Variants in GLT8D2 observed in about 807,000 individuals in gnomAD.
The protein encoded by GLT8D2 is glycosyltransferase 8 domain-containing protein 2.
In GLT8D2, 45 loss-of-function variants were observed where a neutral mutation model predicts 44.5. The observed-to-expected ratio is 1.01, with a 90% CI of 0.80 to 1.30. The LOEUF (loss-of-function observed/expected upper bound fraction) is 1.30. Among genes scored for constraint, GLT8D2 ranks in the 50% most tolerant of loss-of-function variants. GLT8D2 has a pLI of 0.00. For synonymous variants in GLT8D2, 156 were observed against 157.2 expected (o/e 0.99, Z 0.06); for missense variants, 400 against 430.4 (o/e 0.93, Z 0.62).
At chr12:104,035,851 C>A (rs780892095) in intron 1 of GLT8D2, among the ~76,000 whole-genome samples, 1 of 151,934 alleles carries the variant, frequency 6.6e-6, no homozygotes, top group East Asian at 1.9e-4. Context: ...AGGAGCAACC[C>A]CAAGATATAT....
chr12:104,012,810 C>A, intron 4 of GLT8D2: 1 of 699,254 alleles, frequency 1.4e-6, no homozygotes. Context: ...GGCCTTATCC[C>A]AGTAAGACTG....
chr12:104,029,159 G>A (rs549790291), intron 1 of GLT8D2, among the ~76,000 whole-genome samples: 3 of 152,128 alleles, frequency 2.0e-5, no homozygotes, highest in South Asian at 4.2e-4. Flanking sequence ...GCATGGTGGC[G>A]TGCACCTGTA....
chr12:104,010,485 G>A (rs1230846376), intron 4 of GLT8D2, among the ~76,000 whole-genome samples: 2 of 152,174 alleles, frequency 1.3e-5, no homozygotes, highest in African/African-American at 4.8e-5. Flanking sequence ...CTATGCTGTG[G>A]CCTTGCCTAT....
At chr12:103,990,753 T>C (rs1872654707) in intron 10 of GLT8D2, among the ~76,000 whole-genome samples, 1 of 152,132 alleles carries the variant, frequency 6.6e-6, no homozygotes, top group Admixed American at 6.5e-5. Flanking sequence ...ATAACTGGAA[T>C]AATTATCAAT....
chr12:104,017,219 A>C (rs1439111288), intron 3 of GLT8D2, among the ~76,000 whole-genome samples: 1 of 150,568 alleles, frequency 6.6e-6, no homozygotes, highest in Non-Finnish European at 1.5e-5. Flanking sequence ...GTTTAAAGCT[A>C]CCTTTTTTTT....
intron 1 of GLT8D2, among the ~76,000 whole-genome samples, chr12:104,029,959 A>G (rs1879057309): frequency 6.6e-6 from 1 of 152,146 alleles, no homozygotes; most frequent in African/African-American, 2.4e-5. Context: ...CAAAATTCCA[A>G]TGACATTTTT....
intron 1 of GLT8D2, among the ~76,000 whole-genome samples, chr12:104,049,675 G>A (rs1461709467): frequency 2.0e-5 from 3 of 152,182 alleles, no homozygotes; most frequent in African/African-American, 7.2e-5. Flanking sequence ...AGCCCAGGAT[G>A]TGAAAAACAT....
At chr12:104,022,074 GAAA>G (rs72438249) in intron 1 of GLT8D2, among the ~76,000 whole-genome samples, 2 of 88,464 alleles carry the variant, frequency 2.3e-5, no homozygotes, top group Admixed American at 1.2e-4. Context: ...AAGAAAGAAA[GAAA>G]AAAAAAGAAA....
At chr12:104,018,357 T>C (rs1404285878) in intron 3 of GLT8D2, among the ~76,000 whole-genome samples, 1 of 152,202 alleles carries the variant, frequency 6.6e-6, no homozygotes, top group Non-Finnish European at 1.5e-5. Context: ...TATGCCTTTG[T>C]CTTCCCATTT....
intron 3 of GLT8D2, among the ~76,000 whole-genome samples, chr12:104,018,490 T>C (rs1877179364): frequency 6.6e-6 from 1 of 152,244 alleles, no homozygotes; most frequent in South Asian, 2.1e-4. Flanking sequence ...AATCAGATAC[T>C]AGACTCCATT....
chr12:104,060,801 T>C (rs1882580830), intron 1 of GLT8D2, among the ~76,000 whole-genome samples: 1 of 151,986 alleles, frequency 6.6e-6, no homozygotes, highest in Non-Finnish European at 1.5e-5. Context: ...TGCACACCTA[T>C]AATCTCAGCT....
At chr12:104,047,519 T>C (rs1345770238) in intron 1 of GLT8D2, among the ~76,000 whole-genome samples, 1 of 152,108 alleles carries the variant, frequency 6.6e-6, no homozygotes, top group African/African-American at 2.4e-5. Flanking sequence ...TTGGTCAGTC[T>C]GGTCTCAAAC....
chr12:104,026,897 G>A (rs1014333173), intron 1 of GLT8D2, among the ~76,000 whole-genome samples: 14 of 152,160 alleles, frequency 9.2e-5, no homozygotes, highest in African/African-American at 2.9e-4. Context: ...GACATTTGAC[G>A]GGAGGCTGCA....
intron 4 of GLT8D2, among the ~76,000 whole-genome samples, chr12:104,008,027 C>G (rs1361717811): frequency 6.6e-6 from 1 of 152,188 alleles, no homozygotes; most frequent in Non-Finnish European, 1.5e-5. Context: ...TCTTCCCAGT[C>G]TCAGGTATGT....
chr12:104,002,980 G>GAGAGAGAGAC (rs1874430864), intron 5 of GLT8D2, among the ~76,000 whole-genome samples, 155 bp downstream of exon 5: 1 of 147,598 alleles, frequency 6.8e-6, no homozygotes, highest in Admixed American at 6.9e-5. Context: ...GACAGAGAGA[G>GAGAGAGAGAC]AGAGAGAGAC....
At chr12:104,051,061 G>T (rs1005789727), upstream of GLT8D2, among the ~76,000 whole-genome samples, 29 of 151,842 alleles carry the variant, frequency 1.9e-4, no homozygotes, top group African/African-American at 6.5e-4. Context: ...GTGATCCGCC[G>T]CCTCAGCCTC....
At chr12:104,062,689 G>T (rs1199919866) in intron 1 of GLT8D2, among the ~76,000 whole-genome samples, 1 of 151,800 alleles carries the variant, frequency 6.6e-6, no homozygotes, top group Non-Finnish European at 1.5e-5. Flanking sequence ...TGACCGAGCT[G>T]GTCTCAAACT....
intron 10 of GLT8D2, among the ~76,000 whole-genome samples, chr12:103,990,904 G>C (rs1471641949): frequency 3.9e-5 from 6 of 152,168 alleles, no homozygotes; most frequent in African/African-American, 1.2e-4. Flanking sequence ...CTTGCAGTTT[G>C]GGTGATGAAA....
At chr12:104,018,967 A>G (rs1286543870) in intron 3 of GLT8D2, among the ~76,000 whole-genome samples, 1 of 152,088 alleles carries the variant, frequency 6.6e-6, no homozygotes, top group Admixed American at 6.6e-5. Flanking sequence ...ATTCGAGATG[A>G]CTCTTTAAGA....
Sources: allele counts gnomAD v4.1 joint callset (sites outside exome capture counted in the v4.1 genomes callset), GRCh38; gene constraint gnomAD v4.1.1; transcripts MANE v1.5; gene names NCBI Gene and HGNC (gene_info 2026-07-23, HGNC 2026-07-21).